The following IFT46 variants were observed in gnomAD, a reference collection of about 807,000 sequenced individuals.
IFT46 encodes the protein intraflagellar transport 46.
A neutral mutation model predicts 39.6 loss-of-function variants in IFT46; 19 were observed. The ratio of observed to expected loss-of-function variants is 0.48; its 90% CI spans 0.33 to 0.70. The LOEUF (loss-of-function observed/expected upper bound fraction) is 0.70, where lower values mean the gene tolerates loss of function less well. IFT46 is among the 30% of genes least tolerant of loss of function. The pLI, the probability that IFT46 is intolerant of heterozygous loss-of-function variation, is 0.01. For missense variants in IFT46, 334 were observed against 364.8 expected (o/e 0.92, Z 0.69); for synonymous variants, 117 against 134.8 (o/e 0.87, Z 0.91).
chr11:118,552,168 G>A (rs767170780), intron 8 of IFT46, 46 bp downstream of exon 8: 19 of 1,607,858 alleles, frequency 1.2e-5, no homozygotes, highest in Non-Finnish European at 1.6e-5. Context: ...CACAGGTAGT[G>A]AAGGTTACTA....
chr11:118,572,058 C>G (rs1938348189), intron 1 of IFT46, among the ~76,000 whole-genome samples: 1 of 149,914 alleles, frequency 6.7e-6, no homozygotes, highest in Non-Finnish European at 1.5e-5. Flanking sequence ...CCATTGCACT[C>G]CAGCCTGGGC....
upstream of IFT46, among the ~76,000 whole-genome samples, chr11:118,574,869 C>G (rs538630444): frequency 6.6e-6 from 1 of 152,274 alleles, no homozygotes; most frequent in East Asian, 1.9e-4. Context: ...TAGCCTCAAG[C>G]AATCCTCCCG....
At chr11:118,551,751 C>T (rs1937648619) in intron 9 of IFT46, 35 bp downstream of exon 9, 2 of 1,543,844 alleles carry the variant, frequency 1.3e-6, no homozygotes, top group Admixed American at 3.4e-5. Flanking sequence ...GAATACTGTA[C>T]TTTCTTACCC....
chr11:118,555,302 T>C lies in IFT46; in HGVS notation c.206A>G (p.Tyr69Cys). ...TTCAGCAGAAACTGGCAAATGCTCATAGTCTGCAGGGTCATAGGCCCTGGG... is the reference window on the plus strand; with the variant it reads ...TTCAGCAGAAACTGGCAAATGCTCACAGTCTGCAGGGTCATAGGCCCTGGG... ...PLEGAYDPAD[Y>C]EHLPVSAEIK... Residue 69 changes from tyrosine to cysteine, a missense_variant, in exon 5 of 12, where the codon TAT (tyrosine) becomes TGT (cysteine). Coordinates refer to ENST00000264021, the MANE Select transcript of IFT46 (RefSeq NM_001168618.2). 1.2e-6 allele frequency: 2 copies of C among 1,614,016 alleles called. No homozygotes were observed. The highest frequency in any genetic ancestry group is 1.7e-6 in the Non-Finnish European group (2 of 1,179,952).
At chr11:118,576,449 A>AAAC (rs1555073620), upstream of IFT46, among the ~76,000 whole-genome samples, 15 of 145,296 alleles carry the variant, frequency 1.0e-4, no homozygotes, top group Non-Finnish European at 1.8e-4. Context: ...AAAAAAAAAA[A>AAAC]CCAAAAACTT....
upstream of IFT46, among the ~76,000 whole-genome samples, chr11:118,567,096 T>G (rs1187852876): frequency 6.6e-6 from 1 of 151,774 alleles, no homozygotes; most frequent in African/African-American, 2.4e-5. Flanking sequence ...AAAAAAAAAT[T>G]TTTTTTAATT....
intron 2 of IFT46, chr11:118,560,483 G>T (rs1555070398): frequency 5.8e-6 from 1 of 171,748 alleles, no homozygotes; most frequent in Admixed American, 6.2e-5. Flanking sequence ...AGGGGGAAAA[G>T]AAAAGAAAGA....
At chr11:118,555,606 G>T (rs1205198306) in intron 4 of IFT46, 2 of 304,162 alleles carry the variant, frequency 6.6e-6, no homozygotes, top group Non-Finnish European at 1.2e-5. Context: ...TTTAATGAAA[G>T]GATGACAAGA....
intron 9 of IFT46, chr11:118,546,154 G>C (rs1555067096): frequency 2.8e-6 from 2 of 718,374 alleles, no homozygotes; most frequent in African/African-American, 3.5e-5. Flanking sequence ...ATAACAGAGG[G>C]AAGACCATGG....
At chr11:118,558,088 C>T (rs1937902691) in intron 3 of IFT46, among the ~76,000 whole-genome samples, 1 of 151,830 alleles carries the variant, frequency 6.6e-6, no homozygotes, top group Admixed American at 6.6e-5. Flanking sequence ...TCACATTTTG[C>T]TCTAAGAATA....
chr11:118,545,129 A>G (rs1951645064), intron 11 of IFT46, 118 bp from the exon 12 acceptor site: 1 of 828,324 alleles, frequency 1.2e-6, no homozygotes, highest in Non-Finnish European at 1.9e-6. Flanking sequence ...TCCATTCATG[A>G]GGGAACTTGG....
At chr11:118,563,718 A>C (rs1555070966) in intron 2 of IFT46, among the ~76,000 whole-genome samples, 1 of 152,154 alleles carries the variant, frequency 6.6e-6, no homozygotes, top group Non-Finnish European at 1.5e-5. Context: ...ATCATACGGT[A>C]GTGTCCCCTC....
chr11:118,576,197 A>C (rs1287593764), upstream of IFT46, among the ~76,000 whole-genome samples: 1 of 152,074 alleles, frequency 6.6e-6, no homozygotes, highest in Non-Finnish European at 1.5e-5. Context: ...TCATGTAGTT[A>C]AGTCTGTGTA....
At chr11:118,556,640 T>C (rs78541883) in intron 4 of IFT46, among the ~76,000 whole-genome samples, 1 of 152,176 alleles carries the variant, frequency 6.6e-6, no homozygotes, top group Non-Finnish European at 1.5e-5. Context: ...CACCACCTTT[T>C]TGATTTACTC....
chr11:118,554,958 A>C, intron 6 of IFT46, 32 bp downstream of exon 6: 1 of 1,446,930 alleles, frequency 6.9e-7, no homozygotes, highest in Non-Finnish European at 9.7e-7. Context: ...AGAAACACTT[A>C]AGGAGTCATT....
intron 1 of IFT46, among the ~76,000 whole-genome samples, chr11:118,571,540 C>T (rs1001339403): frequency 6.6e-5 from 10 of 152,228 alleles, no homozygotes; most frequent in African/African-American, 2.4e-4. Context: ...ATTTTACATT[C>T]ATCCTCACCA....
chr11:118,554,725 ATAT>A (rs1937768844), intron 6 of IFT46, 138 bp from the exon 7 acceptor site: 2 of 927,562 alleles, frequency 2.2e-6, no homozygotes, highest in Non-Finnish European at 3.2e-6. Context: ...CAGAAAAAAA[ATAT>A]TATCCATAGC....
chr11:118,576,426 T>TTA (rs782579401), upstream of IFT46, among the ~76,000 whole-genome samples: 1 of 108,778 alleles, frequency 9.2e-6, no homozygotes, highest in Non-Finnish European at 1.8e-5. Flanking sequence ...CCAAAAATGT[T>TTA]AAAAAAAAAA....
chr11:118,554,897 A>G lies in IFT46; in HGVS notation c.354+93T>C, dbSNP rs1555069159. ...CCAATGAAATGAACATGACTAGCCA[A>G]TGCTAGTCAAAGAAATTAGGGAAAC... On this transcript the variant is annotated intron_variant, in intron 6 of 11. Transcript: ENST00000264021. 5.3e-6 allele frequency: 5 copies of G among 944,498 alleles called. No individual in the cohort carries two copies. In the East Asian group the frequency reaches 7.4e-5, roughly 14 times the overall value. The allele number at this position is 944,498 out of a possible 1,614,324, so 58.5% of individuals were successfully genotyped here.
Sources: allele counts gnomAD v4.1 joint callset (sites outside exome capture counted in the v4.1 genomes callset), GRCh38; gene constraint gnomAD v4.1.1; transcripts MANE v1.5; gene names NCBI Gene and HGNC (gene_info 2026-07-23, HGNC 2026-07-21).